The following INPP4B variants were observed in gnomAD, a reference collection of about 807,000 sequenced individuals.
The protein encoded by INPP4B is inositol polyphosphate-4-phosphatase type II B.
A neutral mutation model predicts 122.5 loss-of-function variants in INPP4B; 55 were observed. The observed-to-expected ratio is 0.45, with a 90% confidence interval of 0.36 to 0.56. The LOEUF is 0.56. Among genes scored for constraint, INPP4B ranks in the 20% least tolerant of loss-of-function variants. The pLI is 0.00. For synonymous variants in INPP4B, 403 were observed against 388.7 expected, an observed-to-expected ratio of 1.04 and a Z score of -0.43; for missense variants, 1,000 against 1,097.7, an observed-to-expected ratio of 0.91 and a Z score of 1.26.
At chr4:142,797,279 T>G (rs1448144111) in intron 1 of INPP4B, among the ~76,000 whole-genome samples, 1 of 152,000 alleles carries the variant, frequency 6.6e-6, no homozygotes, top group African/African-American at 2.4e-5. Context: ...CCAGGTGTTC[T>G]AAAATCTCTA....
chr4:142,694,373 A>C (rs1043069561), intron 2 of INPP4B, among the ~76,000 whole-genome samples: 8 of 150,720 alleles, frequency 5.3e-5, no homozygotes, highest in Admixed American at 2.7e-4. Flanking sequence ...ACTCGTCTCA[A>C]AAAAAAAAAA....
intron 19 of INPP4B, among the ~76,000 whole-genome samples, chr4:142,123,905 T>C (rs1511248): frequency 0.93 from 140,815 of 152,120 alleles, 66,171 homozygotes; most frequent in East Asian, 1. Context: ...TTGGTTAAAA[T>C]ATTCCCTTTT....
intron 2 of INPP4B, among the ~76,000 whole-genome samples, chr4:142,581,406 G>T (rs1293986064): frequency 6.6e-6 from 1 of 151,806 alleles, no homozygotes; most frequent in African/African-American, 2.4e-5. Flanking sequence ...ATAGGTTATT[G>T]ATTGATATAC....
chr4:142,435,988 T>C (rs1355814924), intron 3 of INPP4B, among the ~76,000 whole-genome samples: 1 of 152,144 alleles, frequency 6.6e-6, no homozygotes, highest in Non-Finnish European at 1.5e-5. Flanking sequence ...TTGCAGCTGC[T>C]AGCTACTTAA....
Position 142,830,922 on chromosome 4 carries a change from T to C in INPP4B, c.-254+15287A>G, listed in dbSNP as rs1167108982. Among the ~76,000 whole-genome samples the C allele has an allele frequency of 2.7e-5, 4 of 149,852 alleles. No individual in the cohort carries two copies. In the East Asian group the frequency reaches 7.9e-4, roughly 30 times the overall value. ...CTGTAGTCCCAGCTACTAGGGAGGC[T>C]GAGGTGGGAGGATCAGTTGGGCCCA... On this transcript the variant is annotated intron_variant, in intron 1 of 25. Transcript: ENST00000262992.
chr4:142,821,918 G>A (rs986698930), intron 1 of INPP4B, among the ~76,000 whole-genome samples: 21 of 152,148 alleles, frequency 1.4e-4, no homozygotes, highest in African/African-American at 5.1e-4. Context: ...AAAGGAACTA[G>A]CAGTATTTTG....
At chr4:142,786,478 T>C (rs776508143) in intron 1 of INPP4B, among the ~76,000 whole-genome samples, 3 of 152,112 alleles carry the variant, frequency 2.0e-5, no homozygotes, top group Non-Finnish European at 4.4e-5. Flanking sequence ...CATATTCAAA[T>C]AATGTATGTA....
intron 2 of INPP4B, among the ~76,000 whole-genome samples, chr4:142,693,561 T>C (rs1760556987): frequency 7.4e-6 from 1 of 135,954 alleles, no homozygotes; most frequent in African/African-American, 2.7e-5. Flanking sequence ...GAACTCTCCA[T>C]TTGTAAGGGT....
chr4:142,216,955 T>G (rs1459336583), intron 12 of INPP4B, among the ~76,000 whole-genome samples: 1 of 152,200 alleles, frequency 6.6e-6, no homozygotes, highest in African/African-American at 2.4e-5. Flanking sequence ...TTTTAAACTT[T>G]ATTCCTTATA....
intron 23 of INPP4B, among the ~76,000 whole-genome samples, chr4:142,097,484 T>C (rs1782476800): frequency 6.6e-6 from 1 of 151,976 alleles, no homozygotes; most frequent in Non-Finnish European, 1.5e-5. Context: ...CTCAAACTCC[T>C]GATCTCAGGT....
At chr4:142,160,660 T>C in intron 16 of INPP4B, 99 bp from the exon 17 acceptor site, 1 of 775,352 alleles carries the variant, frequency 1.3e-6, no homozygotes, top group Non-Finnish European at 2.0e-6. Flanking sequence ...TTAAGTGGTG[T>C]GTATGGTGGA....
chr4:142,379,070 C>A (rs939083488), intron 7 of INPP4B, among the ~76,000 whole-genome samples: 1 of 152,068 alleles, frequency 6.6e-6, no homozygotes, highest in Non-Finnish European at 1.5e-5. Flanking sequence ...TTCCAAAATG[C>A]CGATATAACT....
Position 142,461,365 on chromosome 4 carries a change from A to C in INPP4B, c.-127+1298T>G, listed in dbSNP as rs539480541. ...ATATGATTCAGATTAACTGAGATGCAAACAGCAATTTGTGTAGTTTTTCTC... is the reference window on the plus strand; with the variant it reads ...ATATGATTCAGATTAACTGAGATGCCAACAGCAATTTGTGTAGTTTTTCTC... On this transcript the variant is annotated intron_variant, in intron 3 of 25. Coordinates refer to ENST00000262992, the MANE Select transcript of INPP4B (RefSeq NM_001101669.3). Among the ~76,000 whole-genome samples the C allele has an allele frequency of 8.5e-5, 13 of 152,354 alleles. No individual in the cohort carries two copies. In the East Asian group the frequency reaches 2.3e-3, roughly 27 times the overall value.
At chr4:142,435,882 A>G (rs1810373357) in intron 3 of INPP4B, among the ~76,000 whole-genome samples, 1 of 151,976 alleles carries the variant, frequency 6.6e-6, no homozygotes, top group South Asian at 2.1e-4. Flanking sequence ...TGCCTAAGTC[A>G]GCCAGGTTTC....
At chr4:142,627,259 A>G (rs1219474190) in intron 2 of INPP4B, among the ~76,000 whole-genome samples, 5 of 151,598 alleles carry the variant, frequency 3.3e-5, no homozygotes, top group Admixed American at 6.6e-5. Flanking sequence ...TCTCCTGCCT[A>G]ATTGCCCTGG....
At chr4:142,277,635 C>G (rs1242082255) in intron 9 of INPP4B, among the ~76,000 whole-genome samples, 1 of 151,154 alleles carries the variant, frequency 6.6e-6, no homozygotes, top group African/African-American at 2.4e-5. Context: ...GCCCAAATGC[C>G]CATCTATCAA....
intron 9 of INPP4B, among the ~76,000 whole-genome samples, chr4:142,283,414 G>A (rs1034695094): frequency 2.0e-5 from 3 of 152,110 alleles, no homozygotes; most frequent in African/African-American, 7.2e-5. Context: ...GCCAAGGCTA[G>A]AGCTATAAGA....
chr4:142,576,433 T>A (rs1313803552), intron 2 of INPP4B, among the ~76,000 whole-genome samples: 1 of 152,018 alleles, frequency 6.6e-6, no homozygotes, highest in Non-Finnish European at 1.5e-5. Context: ...ATGACCAATT[T>A]TTTTTTCCTA....
intron 2 of INPP4B, among the ~76,000 whole-genome samples, chr4:142,628,009 A>G (rs1746911590): frequency 6.6e-6 from 1 of 151,954 alleles, no homozygotes; most frequent in Non-Finnish European, 1.5e-5. Context: ...GAATTTATCC[A>G]TTTCTTCTAG....
Sources: gnomAD v4.1 joint callset for allele counts (sites outside exome capture counted in the v4.1 genomes callset) on GRCh38, gnomAD v4.1.1 for gene constraint, MANE v1.5 for transcripts, NCBI Gene and HGNC (gene_info 2026-07-23, HGNC 2026-07-21) for gene names.